The following BRINP3 variants were observed in gnomAD, a reference collection of about 807,000 sequenced individuals.
The protein encoded by BRINP3 is BMP/retinoic acid-inducible neural-specific protein 3.
Under a neutral mutation model 71.0 loss-of-function variants are expected in BRINP3, and 19 were observed. The observed-to-expected ratio is 0.27, with a 90% CI of 0.19 to 0.39. The LOEUF (loss-of-function observed/expected upper bound fraction) is 0.39. Ranked by LOEUF, BRINP3 falls within the 10% of genes least tolerant of loss-of-function variation. The pLI is 1.00. For missense variants in BRINP3, 959 were observed against 940.8 expected, an observed-to-expected ratio of 1.02 and a Z score of -0.25; for synonymous variants, 380 against 337.7, an observed-to-expected ratio of 1.13 and a Z score of -1.37.
At chr1:190,402,485 G>C (rs948550500) in intron 2 of BRINP3, among the ~76,000 whole-genome samples, 6 of 152,102 alleles carry the variant, frequency 3.9e-5, no homozygotes, top group Non-Finnish European at 8.8e-5. Context: ...CAGGCTGTCT[G>C]TTAAAATCTC....
At chr1:190,418,197 G>GC (rs1230515967) in intron 2 of BRINP3, among the ~76,000 whole-genome samples, 3 of 151,720 alleles carry the variant, frequency 2.0e-5, no homozygotes, top group South Asian at 2.1e-4. Context: ...AGAATATTTA[G>GC]CCCCCCACCA....
intron 7 of BRINP3, among the ~76,000 whole-genome samples, chr1:190,157,170 G>T (rs1468719947): frequency 6.6e-6 from 1 of 151,756 alleles, no homozygotes; most frequent in Non-Finnish European, 1.5e-5. Context: ...CCCACAGTAA[G>T]CCTTGCAGAA....
intron 6 of BRINP3, among the ~76,000 whole-genome samples, chr1:190,200,547 C>T (rs1246706820): frequency 6.6e-6 from 1 of 151,988 alleles, no homozygotes; most frequent in East Asian, 1.9e-4. Context: ...ATCAGCTTAG[C>T]CACAGATATA....
rs142885218 is a variant in BRINP3, at chr1:190,372,931, G to C, written c.236+81724C>G. On this transcript the variant is annotated intron_variant, in intron 2 of 7. Coordinates refer to ENST00000367462, the MANE Select transcript of BRINP3 (RefSeq NM_199051.3). ...ATAAAATATTAGAGAATAAATTCCA[G>C]GACCTCATTTAAAGAATATTGACTA... Among the ~76,000 whole-genome samples, 1,336 of 152,080 alleles carry C rather than the reference G, an allele frequency of 8.8e-3. 13 individuals are homozygous for C. The highest frequency in any genetic ancestry group is 0.029 in the African/African-American group (1,221 of 41,472).
intron 2 of BRINP3, among the ~76,000 whole-genome samples, chr1:190,314,680 C>T (rs889898015): frequency 6.6e-6 from 1 of 152,112 alleles, no homozygotes; most frequent in Non-Finnish European, 1.5e-5. Flanking sequence ...CAGTGAGCCT[C>T]CTGTTGGACT....
At chr1:190,454,570 G>A (rs1251493378) in intron 2 of BRINP3, 85 bp downstream of exon 2, 28 of 1,069,642 alleles carry the variant, frequency 2.6e-5, no homozygotes, top group South Asian at 3.1e-5. Context: ...CCTTTTTCCC[G>A]TCTGAAACTT....
chr1:190,347,317 A>AT (rs1389616220), intron 2 of BRINP3, among the ~76,000 whole-genome samples: 1 of 151,766 alleles, frequency 6.6e-6, no homozygotes, highest in Non-Finnish European at 1.5e-5. Context: ...ATTTTTTTGT[A>AT]TTTTAGTAGA....
chr1:190,359,980 TA>T (rs1208946056), intron 2 of BRINP3, among the ~76,000 whole-genome samples: 1 of 152,080 alleles, frequency 6.6e-6, no homozygotes, highest in Non-Finnish European at 1.5e-5. Flanking sequence ...ATTAGAACAC[TA>T]AAAAGCTTTC....
intron 2 of BRINP3, among the ~76,000 whole-genome samples, chr1:190,301,204 C>CATATAT (rs369121473): frequency 0.043 from 4,519 of 105,700 alleles, 207 homozygotes; most frequent in East Asian, 0.11. Flanking sequence ...TATACACATA[C>CATATAT]ATATATATAT....
intron 4 of BRINP3, among the ~76,000 whole-genome samples, chr1:190,263,801 T>C (rs1661407655): frequency 1.3e-5 from 2 of 152,004 alleles, no homozygotes; most frequent in South Asian, 2.1e-4. Flanking sequence ...TTAGCCAGCA[T>C]GGTCTCGATC....
chr1:190,373,390 A>G (rs888792551), intron 2 of BRINP3, among the ~76,000 whole-genome samples: 1 of 151,568 alleles, frequency 6.6e-6, no homozygotes, highest in Non-Finnish European at 1.5e-5. Context: ...ACTTTGTCTA[A>G]AAAAAATAAA....
intron 2 of BRINP3, among the ~76,000 whole-genome samples, chr1:190,415,775 C>T (rs571396053): frequency 6.6e-4 from 101 of 151,930 alleles, no homozygotes; most frequent in Admixed American, 1.6e-3. Context: ...TGGTGGCATG[C>T]ACTTGCAATA....
intron 4 of BRINP3, among the ~76,000 whole-genome samples, chr1:190,253,827 A>C (rs1310683361): frequency 2.6e-5 from 4 of 152,166 alleles, no homozygotes; most frequent in Admixed American, 2.6e-4. Flanking sequence ...TGTTTTAGTC[A>C]TGAAGTCCTT....
chr1:190,187,678 G>A (rs935706831), intron 6 of BRINP3, among the ~76,000 whole-genome samples: 2 of 152,038 alleles, frequency 1.3e-5, no homozygotes, highest in Non-Finnish European at 2.9e-5. Context: ...CCAAAAAGTA[G>A]TTCACTGTAA....
chr1:190,270,063 C>A (rs1195762023), intron 3 of BRINP3, among the ~76,000 whole-genome samples: 3 of 151,756 alleles, frequency 2.0e-5, no homozygotes, highest in Admixed American at 2.0e-4. Flanking sequence ...ACGGAGATCT[C>A]ATAAAGTGGA....
chr1:190,325,247 C>T (rs972657211), intron 2 of BRINP3, among the ~76,000 whole-genome samples: 2 of 151,680 alleles, frequency 1.3e-5, no homozygotes, highest in Non-Finnish European at 2.9e-5. Context: ...ATTATAATTA[C>T]CTTAAAATGA....
intron 6 of BRINP3, among the ~76,000 whole-genome samples, chr1:190,203,459 A>ATG (rs1425032217): frequency 4.1e-5 from 6 of 147,650 alleles, no homozygotes; most frequent in African/African-American, 1.5e-4. Context: ...GTGTATATAT[A>ATG]TATGTGTGTG....
At chr1:190,204,656 C>T (rs1283112945) in intron 6 of BRINP3, among the ~76,000 whole-genome samples, 1 of 151,928 alleles carries the variant, frequency 6.6e-6, no homozygotes, top group Non-Finnish European at 1.5e-5. Context: ...AGGAGGAATT[C>T]AAATATCAGA....
At position 190,343,402 on chromosome 1, in the gene BRINP3, T is replaced by G. The variant is rs1400458551; in HGVS notation, c.237-61652A>C. Among the ~76,000 whole-genome samples, 4 of 151,924 alleles carry G rather than the reference T, an allele frequency of 2.6e-5. No homozygotes were observed. The South Asian group carries it at 6.2e-4, about 24-fold the overall frequency. ...AAAACCAAATTAGCCTGATTTTGAA[T>G]CTTGATTCTGCTATGTACTATGGTG... On this transcript the variant is annotated intron_variant, in intron 2 of 7. Coordinates refer to ENST00000367462, the MANE Select transcript of BRINP3 (RefSeq NM_199051.3).
Sources: allele counts gnomAD v4.1 joint callset (sites outside exome capture counted in the v4.1 genomes callset), GRCh38; gene constraint gnomAD v4.1.1; transcripts MANE v1.5; gene names NCBI Gene and HGNC (gene_info 2026-07-23, HGNC 2026-07-21).